Variants in YLPM1 observed in about 807,000 individuals in gnomAD.
YLPM1 encodes YLP motif containing 1, also known as YLP motif-containing protein 1.
Under a neutral mutation model 230.0 loss-of-function variants are expected in YLPM1, and 99 were observed. The ratio of observed to expected loss-of-function variants is 0.43; its 90% confidence interval spans 0.37 to 0.51. The LOEUF (loss-of-function observed/expected upper bound fraction) is 0.51. YLPM1 is among the 20% of genes least tolerant of loss of function. The probability of loss-of-function intolerance (pLI) is 0.00; values close to 1 mark genes in which losing one functional copy is unlikely to be tolerated. For synonymous variants in YLPM1, 984 were observed against 942.5 expected (o/e 1.04, Z -0.81); for missense variants, 2,592 against 2,707.7 (o/e 0.96, Z 0.95).
rs369631818 is a variant in YLPM1, at chr14:74,764,086, C to T, written c.597C>T (p.Ser199=). 12 of 1,613,272 alleles carry T rather than the reference C, an allele frequency of 7.4e-6. No individual in the cohort carries two copies. The highest frequency in any genetic ancestry group is 2.7e-5 in the African/African-American group (2 of 74,706). The change falls in exon 1 of 21, where the codon TCC becomes TCT. Residue 199 remains serine, a synonymous_variant. Transcript: ENST00000325680. The part of the protein sequence containing the change: ...PSPSQSPPSQ[S]YLAPTPSYSS... Reference sequence around the variant, plus strand: ...CTTCGCAGTCCCCACCTTCCCAATCCTACCTGGCGCCCACCCCTTCTTACT... The same window carrying T: ...CTTCGCAGTCCCCACCTTCCCAATCTTACCTGGCGCCCACCCCTTCTTACT...
rs1185722687 is a variant in YLPM1, at chr14:74,798,173, C to T, written c.2876C>T (p.Pro959Leu). The T allele has an allele frequency of 2.5e-6, 4 of 1,613,824 alleles. No homozygotes were observed. The highest frequency in any genetic ancestry group is 3.4e-6 in the Non-Finnish European group (4 of 1,179,878). ...NKPVPAQSTF[P>L]SKTGGMEGGT... is the part of the protein sequence containing the mutation. ...CCTGTACCTGCTCAATCTACTTTTCCTTCAAAAACAGGGGGGATGGAGGGA... is the reference window on the plus strand; with the variant it reads ...CCTGTACCTGCTCAATCTACTTTTCTTTCAAAAACAGGGGGGATGGAGGGA... The change falls in exon 5 of 21, where the codon CCT (proline) becomes CTT (leucine). Residue 959 changes from proline to leucine, a missense_variant. Physicochemically the swap from Pro to Leu is moderately conservative, Grantham distance 98. Around this residue, in one of 4 missense-constraint regions of YLPM1, gnomAD observed 1,862 missense variants for 1,819.8 expected, o/e 1.02. Transcript: ENST00000325680.
chr14:74,782,822 T>C (rs755355307), intron 4 of YLPM1, among the ~76,000 whole-genome samples: 1 of 152,202 alleles, frequency 6.6e-6, no homozygotes, highest in Non-Finnish European at 1.5e-5. Flanking sequence ...GCTCTTGTAC[T>C]TAGAGCAGTG....
At chr14:74,772,512 C>A (rs1594808450) in intron 1 of YLPM1, among the ~76,000 whole-genome samples, 1 of 152,164 alleles carries the variant, frequency 6.6e-6, no homozygotes, top group East Asian at 1.9e-4. Context: ...GCATGTGCCA[C>A]CACACCCAGC....
At chr14:74,780,964 T>G (rs117935300) in intron 3 of YLPM1, among the ~76,000 whole-genome samples, 2,569 of 152,308 alleles carry the variant, frequency 0.017, 31 homozygotes, top group Non-Finnish European at 0.026. Flanking sequence ...AAAGATAAAG[T>G]GACTTAGATA....
At chr14:74,773,845 G>A (rs1405297097) in intron 1 of YLPM1, among the ~76,000 whole-genome samples, 4 of 147,844 alleles carry the variant, frequency 2.7e-5, no homozygotes, top group South Asian at 2.2e-4. Flanking sequence ...CTCACCCTCC[G>A]GAGTAGCTGA....
At chr14:74,780,081 G>A (rs1471715541) in intron 2 of YLPM1, among the ~76,000 whole-genome samples, 1 of 152,176 alleles carries the variant, frequency 6.6e-6, no homozygotes, top group East Asian at 1.9e-4. Flanking sequence ...TGGGATTACA[G>A]GTGTGAGCCA....
In YLPM1 at chr14:74,810,226, G is replaced by A. The variant is rs1486841301; in HGVS notation, c.5034G>A (p.Glu1678=). 2.5e-6 allele frequency: 4 copies of A among 1,612,808 alleles called. No homozygotes were observed. The highest frequency in any genetic ancestry group is 1.1e-5 in the South Asian group (1 of 90,926). ...PLPERSTFET[E]HAGQRDRYDR... is the part of the protein sequence containing the mutation. ...ATTTTGTACTAATTGTTTTTGTAGA[G>A]CATGCAGGCCAACGTGATCGTTATG... The change falls in exon 9 of 21, where the codon GAG becomes GAA. Residue 1678 remains glutamate, a splice_region_variant and synonymous_variant. Coordinates refer to ENST00000325680, the MANE Select transcript of YLPM1 (RefSeq NM_019589.3).
At position 74,781,422 on chromosome 14, in the gene YLPM1, A is replaced by G; in HGVS notation, c.1379A>G (p.Gln460Arg). The change falls in exon 4 of 21, where the codon CAG (glutamine) becomes CGG (arginine). Residue 460 changes from glutamine (Q) to arginine (R), a missense_variant. Gln to Arg is a conservative substitution (Grantham distance 43). This residue lies in a region of YLPM1 where 1,862 missense variants were observed against 1,819.8 expected (regional missense o/e 1.02). Coordinates refer to ENST00000325680, the MANE Select transcript of YLPM1 (RefSeq NM_019589.3). ...HLYQEWEREFQLWEEQLHSYP... is the reference protein window; with the variant it reads ...HLYQEWEREFRLWEEQLHSYP... ...TACCAAGAATGGGAGCGAGAGTTTCAGCTATGGGAGGAACAACTCCATTCC... is the reference window on the plus strand; with the variant it reads ...TACCAAGAATGGGAGCGAGAGTTTCGGCTATGGGAGGAACAACTCCATTCC... 6.2e-7 allele frequency: 1 copy of G among 1,607,258 alleles called. No homozygotes were observed. The highest frequency in any genetic ancestry group is 8.5e-7 in the Non-Finnish European group (1 of 1,176,456).
chr14:74,826,683 G>A (rs10138360), intron 18 of YLPM1, among the ~76,000 whole-genome samples: 72,317 of 152,046 alleles, frequency 0.48, 17,649 homozygotes, highest in Non-Finnish European at 0.54. Flanking sequence ...GTGATTTTTA[G>A]AACAGTTCAG....
intron 1 of YLPM1, among the ~76,000 whole-genome samples, chr14:74,774,572 A>AT (rs1566738656): frequency 1.3e-5 from 2 of 152,026 alleles, no homozygotes; most frequent in South Asian, 2.1e-4. Context: ...TGCCAGGTTA[A>AT]TTTTTTTATA....
Position 74,809,370 on chromosome 14 carries a change from T to C in YLPM1, c.4522-10T>C. 6.3e-7 allele frequency: 1 copy of C among 1,594,832 alleles called. No individual in the cohort carries two copies. The highest frequency in any genetic ancestry group is 8.5e-7 in the Non-Finnish European group (1 of 1,172,870). On this transcript the variant is annotated splice_polypyrimidine_tract_variant and intron_variant, in intron 6 of 20. Coordinates refer to ENST00000325680, the MANE Select transcript of YLPM1 (RefSeq NM_019589.3). ...TACTTGTCCACTAAGCTATTTATTC[T>C]GTTCTCTAGCCTCCAGGGTCGTATA... is the stretch of plus-strand genomic sequence containing the variant.
intron 1 of YLPM1, among the ~76,000 whole-genome samples, chr14:74,768,857 T>C (rs917282483): frequency 1.3e-5 from 2 of 151,976 alleles, no homozygotes; most frequent in African/African-American, 4.8e-5. Flanking sequence ...TATCACTAGA[T>C]TATTCCCCAA....
intron 1 of YLPM1, among the ~76,000 whole-genome samples, chr14:74,771,690 A>G (rs1446831630): frequency 1.3e-5 from 2 of 152,168 alleles, no homozygotes; most frequent in Non-Finnish European, 2.9e-5. Context: ...TGACCTTGGC[A>G]GGAGCAGTTT....
At chr14:74,773,489 G>A (rs2091000113) in intron 1 of YLPM1, among the ~76,000 whole-genome samples, 1 of 152,130 alleles carries the variant, frequency 6.6e-6, no homozygotes, top group Non-Finnish European at 1.5e-5. Flanking sequence ...CTTAGTTTGT[G>A]AAAGATAGTT....
At chr14:74,835,538 C>G in intron 20 of YLPM1, 91 bp downstream of exon 20, 6 of 1,100,894 alleles carry the variant, frequency 5.5e-6, no homozygotes, top group African/African-American at 1.6e-5. Flanking sequence ...TAAAAATGCT[C>G]TCTTCTTGTG....
chr14:74,801,002 A>G (rs1271623634), intron 5 of YLPM1, among the ~76,000 whole-genome samples: 3 of 152,192 alleles, frequency 2.0e-5, no homozygotes, highest in African/African-American at 7.2e-5. Context: ...TTTGAACTCA[A>G]TCTGTCTAAA....
At chr14:74,835,090 TTC>T in intron 19 of YLPM1, 173 bp from the exon 20 acceptor site, 1 of 766,378 alleles carries the variant, frequency 1.3e-6, no homozygotes, top group African/African-American at 1.8e-5. Flanking sequence ...CCAGAGAGTT[TTC>T]TCTTTGTGAC....
Position 74,763,635 on chromosome 14 carries a change from G to C in YLPM1, c.146G>C (p.Gly49Ala). 1 of 1,590,822 alleles carries C rather than the reference G, an allele frequency of 6.3e-7. No individual in the cohort carries two copies. Among genetic ancestry groups the C allele is most frequent in the Non-Finnish European group, 8.6e-7 (1 of 1,167,718 alleles). The stretch of plus-strand genomic sequence containing the variant: ...ACTCCCGCGGCCCCCTCCTCCTCGG[G>C]CTTCATGAGCTTCCGCGAACAGCAC... ...STTPAAPSSS[G>A]FMSFREQHLA... Residue 49 changes from glycine (G) to alanine (A), a missense_variant, in exon 1 of 21, where the codon GGC (glycine) becomes GCC (alanine). Around this residue, in one of 4 missense-constraint regions of YLPM1, gnomAD observed 1,862 missense variants for 1,819.8 expected, o/e 1.02. Coordinates refer to ENST00000325680, the MANE Select transcript of YLPM1 (RefSeq NM_019589.3).
intron 17 of YLPM1, 57 bp from the exon 18 acceptor site, chr14:74,824,199 A>G: frequency 2.6e-6 from 4 of 1,542,464 alleles, no homozygotes; most frequent in Non-Finnish European, 3.5e-6. Flanking sequence ...TTCAAACGTG[A>G]TATGCATGTA....
Sources: allele counts gnomAD v4.1 joint callset (sites outside exome capture counted in the v4.1 genomes callset), GRCh38; gene constraint gnomAD v4.1.1; regional missense constraint gnomAD v4.1.1; transcripts MANE v1.5; gene names NCBI Gene and HGNC (gene_info 2026-07-23, HGNC 2026-07-21).